The following NPAS2 variants were observed in gnomAD, a reference collection of about 807,000 sequenced individuals.
NPAS2 encodes neuronal PAS domain-containing protein 2.
Under a neutral mutation model 107.5 loss-of-function variants are expected in NPAS2, and 23 were observed. The ratio of observed to expected loss-of-function variants is 0.21; its 90% CI spans 0.15 to 0.30. The LOEUF (loss-of-function observed/expected upper bound fraction) is 0.30, where lower values mean the gene tolerates loss of function less well. NPAS2 is among the 10% of genes least tolerant of loss of function. NPAS2 has a pLI of 1.00. For missense variants in NPAS2, 756 were observed against 1,043.3 expected (o/e 0.72, Z 3.79); for synonymous variants, 403 against 417.5 (o/e 0.97, Z 0.42).
chr2:100,857,246 C>T (rs370780922), intron 1 of NPAS2, among the ~76,000 whole-genome samples: 2 of 147,944 alleles, frequency 1.4e-5, no homozygotes, highest in South Asian at 2.1e-4. Flanking sequence ...TGCAGTGAGC[C>T]GAGATCACGC....
chr2:100,832,548 G>GTATA (rs1676808753), intron 1 of NPAS2, among the ~76,000 whole-genome samples: 1 of 152,168 alleles, frequency 6.6e-6, no homozygotes. Flanking sequence ...GTACTGTTTG[G>GTATA]TATATACACA....
chr2:100,831,954 C>T (rs1359300738), intron 1 of NPAS2, among the ~76,000 whole-genome samples: 3 of 152,032 alleles, frequency 2.0e-5, no homozygotes, highest in Admixed American at 2.0e-4. Flanking sequence ...CATTTACCCC[C>T]TAGCATGCTG....
intron 2 of NPAS2, among the ~76,000 whole-genome samples, chr2:100,910,599 G>C (rs1458581321): frequency 6.6e-6 from 1 of 150,578 alleles, no homozygotes; most frequent in African/African-American, 2.4e-5. Flanking sequence ...CGTGATCTCA[G>C]CTCACTGCAA....
intron 1 of NPAS2, among the ~76,000 whole-genome samples, chr2:100,856,908 A>T (rs1003183897): frequency 2.0e-5 from 3 of 152,190 alleles, no homozygotes; most frequent in Admixed American, 6.5e-5. Flanking sequence ...TGGGTGAGGA[A>T]GTAGGGCAGG....
intron 2 of NPAS2, among the ~76,000 whole-genome samples, chr2:100,908,021 G>A (rs1184964284): frequency 1.3e-5 from 2 of 151,868 alleles, no homozygotes; most frequent in Non-Finnish European, 2.9e-5. Flanking sequence ...AGTGTTGTAG[G>A]GTGTGTGTGT....
At chr2:100,993,834 A>G (rs1678285794) in intron 20 of NPAS2, 1 of 315,236 alleles carries the variant, frequency 3.2e-6, no homozygotes, top group Non-Finnish European at 5.7e-6. Context: ...CACAGTTTTT[A>G]GAGCAAAAGT....
intron 5 of NPAS2, among the ~76,000 whole-genome samples, chr2:100,939,586 G>A (rs1371003230): frequency 6.6e-6 from 1 of 152,188 alleles, no homozygotes; most frequent in Non-Finnish European, 1.5e-5. Context: ...AGGAGCTGGG[G>A]TATTCTTTGG....
chr2:100,923,261 G>A (rs1309929864), intron 2 of NPAS2, among the ~76,000 whole-genome samples: 1 of 152,086 alleles, frequency 6.6e-6, no homozygotes, highest in Non-Finnish European at 1.5e-5. Context: ...GGGAGAGGCA[G>A]GAAAAGACCC....
chr2:100,909,535 G>A (rs1157269677), intron 2 of NPAS2, among the ~76,000 whole-genome samples: 1 of 152,218 alleles, frequency 6.6e-6, no homozygotes, highest in East Asian at 1.9e-4. Flanking sequence ...CTTGCAGAGT[G>A]CCCCTGCATG....
At chr2:100,878,945 C>A (rs1680154756) in intron 1 of NPAS2, among the ~76,000 whole-genome samples, 1 of 151,794 alleles carries the variant, frequency 6.6e-6, no homozygotes, top group Admixed American at 6.6e-5. Context: ...ATGGTGAAAC[C>A]CCCATCTCTA....
intron 2 of NPAS2, among the ~76,000 whole-genome samples, chr2:100,911,805 T>C (rs566939696): frequency 8.5e-5 from 13 of 152,278 alleles, no homozygotes; most frequent in Non-Finnish European, 1.9e-4. Flanking sequence ...CTAATTTTTG[T>C]ATTTTTAGTG....
At chr2:100,991,134 C>T (rs1349989123) in intron 19 of NPAS2, among the ~76,000 whole-genome samples, 5 of 152,320 alleles carry the variant, frequency 3.3e-5, no homozygotes, top group African/African-American at 4.8e-5. Flanking sequence ...CATCATCTTC[C>T]GACTTCCTTA....
intron 1 of NPAS2, among the ~76,000 whole-genome samples, chr2:100,857,734 C>T (rs1319065185): frequency 1.3e-5 from 2 of 152,228 alleles, no homozygotes; most frequent in African/African-American, 2.4e-5. Context: ...GTGCACCCGG[C>T]GTCTGCTACA....
chr2:100,942,441 CT>C (rs1674630585), intron 5 of NPAS2, among the ~76,000 whole-genome samples: 1 of 152,070 alleles, frequency 6.6e-6, no homozygotes, highest in Non-Finnish European at 1.5e-5. Context: ...AGAGGTGTCC[CT>C]GGGTCGGAGC....
intron 1 of NPAS2, among the ~76,000 whole-genome samples, chr2:100,830,505 T>C (rs1199954763): frequency 7.3e-6 from 1 of 137,166 alleles, no homozygotes; most frequent in East Asian, 2.5e-4. Context: ...TGGTGTGTGA[T>C]GTTCCCTGCC....
At chr2:100,854,233 A>G (rs1678415219) in intron 1 of NPAS2, among the ~76,000 whole-genome samples, 1 of 148,862 alleles carries the variant, frequency 6.7e-6, no homozygotes, top group Non-Finnish European at 1.5e-5. Context: ...GTGGCGTGGC[A>G]TGTAGCCTTA....
At chr2:100,886,679 C>G (rs748659802) in intron 1 of NPAS2, among the ~76,000 whole-genome samples, 1 of 152,204 alleles carries the variant, frequency 6.6e-6, no homozygotes, top group African/African-American at 2.4e-5. Flanking sequence ...AAGCCAGGAT[C>G]TTTCAGGACT....
chr2:100,891,729 G>A (rs542849938), intron 1 of NPAS2, among the ~76,000 whole-genome samples: 2 of 152,294 alleles, frequency 1.3e-5, no homozygotes, highest in East Asian at 3.9e-4. Flanking sequence ...TGAAACTCTT[G>A]ATATTAAACC....
chr2:100,906,148 A>G (rs920086), intron 2 of NPAS2, among the ~76,000 whole-genome samples: 95,681 of 151,670 alleles, frequency 0.63, 30,964 homozygotes, highest in Non-Finnish European at 0.72. Flanking sequence ...CAGTGCATAG[A>G]ACTCCCCAGC....
Sources: allele counts gnomAD v4.1 joint callset (sites outside exome capture counted in the v4.1 genomes callset), GRCh38; gene constraint gnomAD v4.1.1; transcripts MANE v1.5; gene names NCBI Gene and HGNC (gene_info 2026-07-23, HGNC 2026-07-21).